The following INSC variants were observed in gnomAD, a reference collection of about 807,000 sequenced individuals.
INSC encodes the protein protein inscuteable homolog.
A neutral mutation model predicts 58.6 loss-of-function variants in INSC; 67 were observed. The observed-to-expected ratio is 1.14, with a 90% confidence interval of 0.94 to 1.40. INSC has a LOEUF of 1.40. INSC is among the 40% of genes most tolerant of loss of function. The pLI, the probability that INSC is intolerant of heterozygous loss-of-function variation, is 0.00. For missense variants in INSC, 714 were observed against 692.0 expected (o/e 1.03, Z -0.36); for synonymous variants, 262 against 276.1 (o/e 0.95, Z 0.51).
At chr11:15,230,011 A>T (rs55662550) in intron 9 of INSC, among the ~76,000 whole-genome samples, 13 of 25,538 alleles carry the variant, frequency 5.1e-4, no homozygotes, top group East Asian at 4.7e-3. Context: ...ATATATATAT[A>T]TAATATATAT....
chr11:15,162,401 C>A (rs1453076327), intron 2 of INSC, among the ~76,000 whole-genome samples: 1 of 152,208 alleles, frequency 6.6e-6, no homozygotes, highest in Admixed American at 6.5e-5. Context: ...AATTCTTTCA[C>A]CTCTTTGAAG....
chr11:15,237,692 C>G (rs1052562786), intron 10 of INSC, among the ~76,000 whole-genome samples: 5 of 152,124 alleles, frequency 3.3e-5, no homozygotes, highest in African/African-American at 1.2e-4. Context: ...GTCTAAATAA[C>G]AGGTTGCAAA....
At chr11:15,167,497 G>T (rs933093737) in intron 2 of INSC, among the ~76,000 whole-genome samples, 1 of 151,934 alleles carries the variant, frequency 6.6e-6, no homozygotes, top group Non-Finnish European at 1.5e-5. Flanking sequence ...GTCTCACTTT[G>T]TCACCCAGAC....
chr11:15,224,302 A>G (rs1564913183), intron 8 of INSC, among the ~76,000 whole-genome samples: 1 of 152,224 alleles, frequency 6.6e-6, no homozygotes, highest in South Asian at 2.1e-4. Flanking sequence ...TCAGAATTTA[A>G]TGGCACAGTG....
downstream of INSC, among the ~76,000 whole-genome samples, chr11:15,248,253 T>C (rs1256089649): frequency 6.6e-6 from 1 of 152,210 alleles, no homozygotes; most frequent in Admixed American, 6.5e-5. Flanking sequence ...CTAAGTGGAA[T>C]TGGCATTTTA....
intron 2 of INSC, among the ~76,000 whole-genome samples, chr11:15,166,310 A>T (rs1849194792): frequency 6.6e-6 from 1 of 152,216 alleles, no homozygotes; most frequent in African/African-American, 2.4e-5. Context: ...CAACCAGAGC[A>T]TTGCTTAGTG....
chr11:15,161,218 T>G (rs1849005989), intron 2 of INSC, among the ~76,000 whole-genome samples: 1 of 152,176 alleles, frequency 6.6e-6, no homozygotes, highest in Non-Finnish European at 1.5e-5. Context: ...CTCTCAGTAT[T>G]AGCTTCAAGG....
the INSC span, among the ~76,000 whole-genome samples, chr11:15,253,172 CAG>C: frequency 1.3e-5 from 2 of 152,154 alleles, no homozygotes; most frequent in African/African-American, 4.8e-5. Flanking sequence ...ATGCAACAAA[CAG>C]AAGAAAATAA....
At chr11:15,241,487 A>C in intron 12 of INSC, 1 of 684,242 alleles carries the variant, frequency 1.5e-6, no homozygotes, top group South Asian at 1.5e-5. Context: ...GCTGTGTGAC[A>C]TTTGATAAGT....
chr11:15,130,112 T>TA (rs1458470606), intron 1 of INSC, among the ~76,000 whole-genome samples: 1 of 152,254 alleles, frequency 6.6e-6, no homozygotes, highest in Non-Finnish European at 1.5e-5. Flanking sequence ...CTAAGATCTC[T>TA]AGCACTATAA....
chr11:15,225,944 C>T, intron 9 of INSC, 116 bp downstream of exon 9: 1 of 1,033,256 alleles, frequency 9.7e-7, no homozygotes, highest in Non-Finnish European at 1.4e-6. Context: ...GTTAGTTTTG[C>T]ATGCTGTAGG....
At chr11:15,142,437 C>A (rs1325816441) in intron 1 of INSC, among the ~76,000 whole-genome samples, 1 of 152,250 alleles carries the variant, frequency 6.6e-6, no homozygotes, top group East Asian at 1.9e-4. Flanking sequence ...AGCCTCCTTT[C>A]CATCCTCTGC....
In INSC at chr11:15,225,712, A is replaced by G. The variant is rs756478543; in HGVS notation, c.1054A>G (p.Ile352Val). 1.2e-6 allele frequency: 2 copies of G among 1,614,050 alleles called. No homozygotes were observed. Among genetic ancestry groups the G allele is most frequent in the Non-Finnish European group, 8.5e-7 (1 of 1,180,030 alleles). ...ACTGGCCTCTGCGGCCCTTGCCAAC[A>G]TCACGTTCTTTGACACAATGGCCTG... ...FLLASAALAN[I>V]TFFDTMACEM... is the part of the protein sequence containing the mutation. Residue 352 changes from isoleucine (I) to valine (V), a missense_variant, in exon 9 of 13, where the codon ATC (isoleucine) becomes GTC (valine). Ile to Val is a conservative substitution (Grantham distance 29). Coordinates refer to ENST00000379556, the MANE Select transcript of INSC (RefSeq NM_001042536.3).
At chr11:15,114,854 G>A (rs976666845), upstream of INSC, 3 of 828,720 alleles carry the variant, frequency 3.6e-6, no homozygotes, top group African/African-American at 3.7e-5. Flanking sequence ...AGGGCGGGCG[G>A]GGGAGAACGG....
At chr11:15,138,797 GA>G (rs1218409050) in intron 1 of INSC, among the ~76,000 whole-genome samples, 1 of 152,158 alleles carries the variant, frequency 6.6e-6, no homozygotes, top group African/African-American at 2.4e-5. Context: ...CCACAACCCT[GA>G]GGATAGGTTT....
At chr11:15,128,399 A>G (rs1848048755) in intron 1 of INSC, among the ~76,000 whole-genome samples, 1 of 152,160 alleles carries the variant, frequency 6.6e-6, no homozygotes. Context: ...TGTCATATCC[A>G]TTATTATATT....
At chr11:15,157,524 C>T (rs1175853766) in intron 2 of INSC, among the ~76,000 whole-genome samples, 1 of 152,176 alleles carries the variant, frequency 6.6e-6, no homozygotes, top group East Asian at 1.9e-4. Context: ...GGGCAGCAGG[C>T]AGCCCCCACC....
intron 1 of INSC, among the ~76,000 whole-genome samples, chr11:15,142,449 T>C (rs1165652904): frequency 6.6e-6 from 1 of 152,222 alleles, no homozygotes; most frequent in Non-Finnish European, 1.5e-5. Flanking sequence ...ATCCTCTGCT[T>C]TTTCTACATT....
chr11:15,250,506 T>G (rs1241830203), downstream of INSC, among the ~76,000 whole-genome samples: 2 of 152,218 alleles, frequency 1.3e-5, no homozygotes, highest in African/African-American at 4.8e-5. Context: ...CTTGATAGTA[T>G]CCCTTCTAAC....
Sources: gnomAD v4.1 joint callset for allele counts (sites outside exome capture counted in the v4.1 genomes callset) on GRCh38, gnomAD v4.1.1 for gene constraint, MANE v1.5 for transcripts, NCBI Gene and HGNC (gene_info 2026-07-23, HGNC 2026-07-21) for gene names.